ATG5: variants seen among roughly 807,000 people sequenced by gnomAD.
The protein encoded by ATG5 is autophagy related 5, also known as autophagy protein 5.
A neutral mutation model predicts 36.5 loss-of-function variants in ATG5; 14 were observed. The observed-to-expected ratio is 0.38, with a 90% CI of 0.25 to 0.60. ATG5 has a LOEUF of 0.60. ATG5 is among the 20% of genes least tolerant of loss of function. ATG5 has a pLI of 0.60. For synonymous variants in ATG5, 95 were observed against 101.5 expected (o/e 0.94, Z 0.38); for missense variants, 195 against 326.7 (o/e 0.60, Z 3.11).
At chr6:106,194,753 T>TC (rs1776110708) in intron 7 of ATG5, among the ~76,000 whole-genome samples, 1 of 152,164 alleles carries the variant, frequency 6.6e-6, no homozygotes, top group Non-Finnish European at 1.5e-5. Flanking sequence ...GTCAGGCTGG[T>TC]CTCTAACTCC....
intron 5 of ATG5, among the ~76,000 whole-genome samples, chr6:106,259,149 T>C (rs1380555488): frequency 6.6e-6 from 1 of 152,154 alleles, no homozygotes; most frequent in Non-Finnish European, 1.5e-5. Context: ...TAACAACTAA[T>C]TCACTGCAAA....
chr6:106,225,160 A>C (rs1777407366), intron 6 of ATG5, among the ~76,000 whole-genome samples: 5 of 152,368 alleles, frequency 3.3e-5, no homozygotes, highest in Admixed American at 3.3e-4. Flanking sequence ...ACCCTATTTT[A>C]CAGATTATAA....
At chr6:106,186,705 T>TA in intron 7 of ATG5, 29 bp from the exon 8 acceptor site, 1 of 1,609,452 alleles carries the variant, frequency 6.2e-7, no homozygotes, top group Middle Eastern at 1.7e-4. Context: ...CCAACAACAA[T>TA]AAAAGTCAAA....
intron 6 of ATG5, among the ~76,000 whole-genome samples, chr6:106,232,298 C>G (rs1454330019): frequency 6.6e-6 from 1 of 152,166 alleles, no homozygotes; most frequent in Non-Finnish European, 1.5e-5. Context: ...GACAGCCAGT[C>G]ACTAGATACT....
chr6:106,307,811 G>A (rs904045333), intron 3 of ATG5, among the ~76,000 whole-genome samples: 3 of 151,972 alleles, frequency 2.0e-5, no homozygotes, highest in South Asian at 4.2e-4. Context: ...GCTGGGATTC[G>A]TGTAGTATCT....
chr6:106,192,768 C>T (rs1006183240), intron 7 of ATG5, among the ~76,000 whole-genome samples: 2 of 152,066 alleles, frequency 1.3e-5, no homozygotes, highest in Admixed American at 6.5e-5. Flanking sequence ...ATACTTAATA[C>T]TGCCTAGAAG....
chr6:106,298,884 G>A (rs556549095), intron 3 of ATG5, among the ~76,000 whole-genome samples: 1 of 152,274 alleles, frequency 6.6e-6, no homozygotes, highest in South Asian at 2.1e-4. Context: ...AAGGTACTGA[G>A]TTTCTCTTAC....
At chr6:106,243,904 CTTTTTTTTTT>C (rs35701133) in intron 6 of ATG5, among the ~76,000 whole-genome samples, 3 of 54,910 alleles carry the variant, frequency 5.5e-5, no homozygotes, top group Non-Finnish European at 6.2e-5. Context: ...AGGAACCATC[CTTTTTTTTTT>C]TTTTTTTTTT....
At chr6:106,216,961 T>TA (rs59247747) in intron 6 of ATG5, among the ~76,000 whole-genome samples, 318 of 147,240 alleles carry the variant, frequency 2.2e-3, no homozygotes, top group African/African-American at 6.7e-3. Context: ...AAGCTGTTAT[T>TA]AAAAAAAAAA....
chr6:106,222,285 A>G (rs1182625064), intron 6 of ATG5, among the ~76,000 whole-genome samples: 1 of 152,256 alleles, frequency 6.6e-6, no homozygotes, highest in Non-Finnish European at 1.5e-5. Flanking sequence ...AAAATGAGGT[A>G]TTAACTATTT....
At chr6:106,284,773 C>G (rs190368480) in intron 4 of ATG5, among the ~76,000 whole-genome samples, 1 of 149,734 alleles carries the variant, frequency 6.7e-6, no homozygotes, top group African/African-American at 2.5e-5. Context: ...TGCTGAACAT[C>G]TTTTCATGTG....
chr6:106,300,827 ATT>A (rs1031533577), intron 3 of ATG5, among the ~76,000 whole-genome samples: 1 of 151,278 alleles, frequency 6.6e-6, no homozygotes, highest in Admixed American at 6.6e-5. Context: ...AAGAGTATGT[ATT>A]TTTTTTTACA....
chr6:106,192,481 G>A (rs1776001809), intron 7 of ATG5, among the ~76,000 whole-genome samples: 1 of 152,118 alleles, frequency 6.6e-6, no homozygotes, highest in Non-Finnish European at 1.5e-5. Flanking sequence ...CTAGTGAGAT[G>A]CTTGAGTTTC....
At chr6:106,261,873 G>C (rs1267046234) in intron 5 of ATG5, among the ~76,000 whole-genome samples, 1 of 152,132 alleles carries the variant, frequency 6.6e-6, no homozygotes, top group Non-Finnish European at 1.5e-5. Context: ...AGTCTGTAGA[G>C]GCCAGAAGTG....
At chr6:106,272,847 A>G (rs1020223663) in intron 5 of ATG5, among the ~76,000 whole-genome samples, 3 of 152,260 alleles carry the variant, frequency 2.0e-5, no homozygotes, top group African/African-American at 7.2e-5. Context: ...AGACTTGATT[A>G]AACATGAGAG....
At chr6:106,258,967 T>A (rs1177539414) in intron 5 of ATG5, among the ~76,000 whole-genome samples, 2 of 152,200 alleles carry the variant, frequency 1.3e-5, no homozygotes, top group Non-Finnish European at 2.9e-5. Context: ...AAGCCATAAT[T>A]CTTCAATGAG....
At chr6:106,187,405 A>T (rs1775816766) in intron 7 of ATG5, among the ~76,000 whole-genome samples, 1 of 152,026 alleles carries the variant, frequency 6.6e-6, no homozygotes, top group Non-Finnish European at 1.5e-5. Flanking sequence ...GTTTTTCATG[A>T]TTTTGGTGTG....
Position 106,325,534 on chromosome 6 carries a change from A to G in ATG5, c.-67T>C, listed in dbSNP as rs1278709751. 1 of 152,662 alleles carries G rather than the reference A, an allele frequency of 6.6e-6. No homozygotes were observed. The highest frequency in any genetic ancestry group is 1.9e-4 in the East Asian group (1 of 5,336). The allele number at this position is 152,662 out of a possible 1,614,324, so 9.5% of individuals were successfully genotyped here. On this transcript the variant is annotated 5_prime_UTR_variant, in exon 1 of 8. Coordinates refer to ENST00000369076, the MANE Select transcript of ATG5 (RefSeq NM_004849.4). ...TGGACACACACACGTACCCTACTCC[A>G]AGCTATGGCTCCTCCTTCCGGCTCC...
At chr6:106,186,748 G>T in intron 7 of ATG5, 72 bp from the exon 8 acceptor site, 1 of 1,537,324 alleles carries the variant, frequency 6.5e-7, no homozygotes, top group Non-Finnish European at 8.9e-7. Flanking sequence ...GGTGCCTTTT[G>T]AGAATCCTTA....
Sources: gnomAD v4.1 joint callset for allele counts (sites outside exome capture counted in the v4.1 genomes callset) on GRCh38, gnomAD v4.1.1 for gene constraint, MANE v1.5 for transcripts, NCBI Gene and HGNC (gene_info 2026-07-23, HGNC 2026-07-21) for gene names.